CACNA1I: variants seen among roughly 807,000 people sequenced by gnomAD.
CACNA1I encodes voltage-dependent T-type calcium channel subunit alpha-1I.
Under a neutral mutation model 201.6 loss-of-function variants are expected in CACNA1I, and 74 were observed. The observed-to-expected ratio is 0.37, with a 90% CI of 0.30 to 0.45. The LOEUF (loss-of-function observed/expected upper bound fraction) is 0.45. Ranked by LOEUF, CACNA1I falls within the 20% of genes least tolerant of loss-of-function variation. The pLI, the probability that CACNA1I is intolerant of heterozygous loss-of-function variation, is 1.00. For missense variants in CACNA1I, 2,346 were observed against 3,138.1 expected, an observed-to-expected ratio of 0.75 and a Z score of 6.03; for synonymous variants, 1,431 against 1,345.2, an observed-to-expected ratio of 1.06 and a Z score of -1.40.
chr22:39,656,626 T>G (rs1414136093), intron 10 of CACNA1I: 8 of 517,636 alleles, frequency 1.5e-5, no homozygotes, highest in South Asian at 8.4e-5. Context: ...CATTCAAATT[T>G]GTGGTAGCCA....
In CACNA1I at chr22:39,629,271, G is replaced by C. The variant is rs888976819; in HGVS notation, c.581-5294G>C. Among the ~76,000 whole-genome samples, 1 of 152,064 alleles carries C rather than the reference G, an allele frequency of 6.6e-6. No homozygotes were observed. Among genetic ancestry groups the C allele is most frequent in the Non-Finnish European group, 1.5e-5 (1 of 68,008 alleles). Reference sequence around the variant, plus strand: ...TCCAGACCCCAAGATCTGGCAAAGCGACTCCATGGGGATGTACCCCGGCCA... The same window carrying C: ...TCCAGACCCCAAGATCTGGCAAAGCCACTCCATGGGGATGTACCCCGGCCA... On this transcript the variant is annotated intron_variant, in intron 4 of 36. Coordinates refer to ENST00000402142, the MANE Select transcript of CACNA1I (RefSeq NM_021096.4). The surrounding 1 kb of genome is among the most constrained non-coding windows in gnomAD (Gnocchi z 4.8).
chr22:39,682,836 T>A (rs1433920898), intron 35 of CACNA1I, among the ~76,000 whole-genome samples, 175 bp downstream of exon 35: 4 of 152,088 alleles, frequency 2.6e-5, no homozygotes, highest in Non-Finnish European at 5.9e-5. Flanking sequence ...GATATAACAA[T>A]GATAAAAGAT....
At chr22:39,576,132 T>C (rs1871643036) in intron 1 of CACNA1I, among the ~76,000 whole-genome samples, 1 of 152,262 alleles carries the variant, frequency 6.6e-6, no homozygotes, top group Non-Finnish European at 1.5e-5. Flanking sequence ...CCAGAGTGGG[T>C]TGCACTCACT....
chr22:39,663,602 AG>A (rs1935091815), intron 18 of CACNA1I, 115 bp from the exon 19 acceptor site: 12 of 1,211,950 alleles, frequency 9.9e-6, no homozygotes. Flanking sequence ...AGGAGAGGAT[AG>A]GGGTTGCTTC....
chr22:39,680,126 C>T (rs907240681), intron 33 of CACNA1I, among the ~76,000 whole-genome samples: 1 of 152,216 alleles, frequency 6.6e-6, no homozygotes, highest in Non-Finnish European at 1.5e-5. Context: ...AGCTGCCCCA[C>T]CTTGTGTGCT....
chr22:39,634,888 C>G (rs1211144843), intron 5 of CACNA1I, among the ~76,000 whole-genome samples, 164 bp downstream of exon 5: 1 of 151,782 alleles, frequency 6.6e-6, no homozygotes, highest in Admixed American at 6.6e-5. Context: ...AGAAGTGATG[C>G]CCAGGAGGAA....
At chr22:39,632,322 G>C (rs61400759) in intron 4 of CACNA1I, among the ~76,000 whole-genome samples, 352 of 152,230 alleles carry the variant, frequency 2.3e-3, no homozygotes, top group African/African-American at 7.9e-3. Context: ...GCTGATCGAG[G>C]GTTCTGCTTG....
chr22:39,607,575 C>G (rs534805830), intron 3 of CACNA1I, among the ~76,000 whole-genome samples: 2 of 152,186 alleles, frequency 1.3e-5, no homozygotes, highest in African/African-American at 4.8e-5. Context: ...GTCTGGGAAC[C>G]GCAGGAAGGG....
chr22:39,682,145 A>T (rs1327093014), intron 34 of CACNA1I, among the ~76,000 whole-genome samples: 2 of 152,190 alleles, frequency 1.3e-5, no homozygotes, highest in African/African-American at 2.4e-5. Context: ...TGGATGCAGA[A>T]ACAGGCTCAG....
intron 4 of CACNA1I, among the ~76,000 whole-genome samples, chr22:39,627,553 T>C (rs916699430): frequency 1.3e-5 from 2 of 152,338 alleles, no homozygotes; most frequent in Admixed American, 6.5e-5. Flanking sequence ...ACCAGGGTCA[T>C]GGTCAGGCCA....
At chr22:39,605,460 C>A (rs145003629) in intron 3 of CACNA1I, among the ~76,000 whole-genome samples, 1 of 152,200 alleles carries the variant, frequency 6.6e-6, no homozygotes, top group African/African-American at 2.4e-5. Context: ...TGGCTCCCAC[C>A]GGATGGTACC....
chr22:39,578,863 G>A (rs1414384628), intron 1 of CACNA1I, among the ~76,000 whole-genome samples: 1 of 152,132 alleles, frequency 6.6e-6, no homozygotes, highest in African/African-American at 2.4e-5. Context: ...CAGCTGCTGA[G>A]GCTTCCCAGC....
At position 39,659,630 on chromosome 22, in the gene CACNA1I, C is replaced by T; in HGVS notation, c.2449-67C>T. ...TGGGAGGGGCGGGGCTGACAACTCC[C>T]ATGCCTCCTTGTAGAGCCTAGCCCT... is the stretch of plus-strand genomic sequence containing the variant. On this transcript the variant is annotated intron_variant, in intron 13 of 36. Coordinates refer to ENST00000402142, the MANE Select transcript of CACNA1I (RefSeq NM_021096.4). The surrounding 1 kb of genome is among the most constrained non-coding windows in gnomAD (Gnocchi z 4.3). The T allele has an allele frequency of 6.2e-7, 1 of 1,604,448 alleles. No individual in the cohort carries two copies. Among genetic ancestry groups the T allele is most frequent in the South Asian group, 1.1e-5 (1 of 90,856 alleles).
At chr22:39,572,318 C>T (rs974180102) in intron 1 of CACNA1I, among the ~76,000 whole-genome samples, 5 of 151,926 alleles carry the variant, frequency 3.3e-5, no homozygotes, top group African/African-American at 1.2e-4. Flanking sequence ...ATATGTGGCT[C>T]GAGGTTCTGG....
rs1170551284 is a variant in CACNA1I, at chr22:39,583,201, CATCCATCCATCCATCCAACA to C, written c.236+12231_236+12250del. Among the ~76,000 whole-genome samples the C allele has an allele frequency of 4.6e-5, 6 of 130,912 alleles. No individual in the cohort carries two copies. In the East Asian group the frequency reaches 1.0e-3, roughly 23 times the overall value. 85.9% of individuals were successfully genotyped at this position (130,912 alleles called of 152,430 possible). ...CCATCCATCCATCTATCCAACAATC[CATCCATCCATCCATCCAACA>C]ATCCATCCATCCATCCATCCATTCA... On this transcript the variant is annotated intron_variant, in intron 1 of 36. Coordinates refer to ENST00000402142, the MANE Select transcript of CACNA1I (RefSeq NM_021096.4).
At position 39,664,091 on chromosome 22, in the gene CACNA1I, G is replaced by T; in HGVS notation, c.3598G>T (p.Glu1200Ter). The change falls in exon 20 of 37, where the codon GAA becomes TAA. Residue 1200 changes from glutamate (E) to a stop codon, truncating the protein, a stop_gained and splice_region_variant. Coordinates refer to ENST00000402142, the MANE Select transcript of CACNA1I (RefSeq NM_021096.4). LOFTEE classifies it high-confidence loss of function. ...CTATGGTATCTCCCGATGCTTTCAG[G>T]AACGCATCTTTCTCACCGTGTCCAA... is the stretch of plus-strand genomic sequence containing the variant. The part of the protein sequence containing the change: ...ERPQIEAGST[E>*]RIFLTVSNYI... 6.2e-7 allele frequency: 1 copy of T among 1,613,620 alleles called. No individual in the cohort carries two copies. Among genetic ancestry groups the T allele is most frequent in the South Asian group, 1.1e-5 (1 of 91,004 alleles).
At position 39,686,390 on chromosome 22, in the gene CACNA1I, C is replaced by T; in HGVS notation, c.6657C>T (p.Ser2219=). ...AGCTGGAGCCGGGAGACGCCGCCAG[C>T]AAGAGGAAGAGATGAGGGTCGCAGG... The part of the protein sequence containing the change: ...PGELEPGDAA[S]KRKR The change falls in exon 37 of 37, where the codon AGC becomes AGT. Residue 2219 remains serine, a synonymous_variant. Transcript: ENST00000402142. 1.6e-6 allele frequency: 2 copies of T among 1,285,846 alleles called. No individual in the cohort carries two copies. Among genetic ancestry groups the T allele is most frequent in the Non-Finnish European group, 2.0e-6 (2 of 1,014,236 alleles). The allele number at this position is 1,285,846 out of a possible 1,614,324, so 79.7% of individuals were successfully genotyped here.
intron 5 of CACNA1I, among the ~76,000 whole-genome samples, chr22:39,640,112 G>A (rs773390510): frequency 3.9e-5 from 6 of 152,160 alleles, no homozygotes; most frequent in African/African-American, 9.7e-5. Flanking sequence ...AGGGCAGCCC[G>A]GCTCGGTGGC....
At chr22:39,667,497 T>G (rs537370567) in intron 23 of CACNA1I, among the ~76,000 whole-genome samples, 6 of 152,296 alleles carry the variant, frequency 3.9e-5, no homozygotes, top group African/African-American at 1.4e-4. Flanking sequence ...GGACCCTTTG[T>G]GAACCTACTA....
Sources: gnomAD v4.1 joint callset for allele counts (sites outside exome capture counted in the v4.1 genomes callset) on GRCh38, gnomAD v4.1.1 for gene constraint, Gnocchi (gnomAD v3.1) non-coding constraint, MANE v1.5 for transcripts, NCBI Gene and HGNC (gene_info 2026-07-23, HGNC 2026-07-21) for gene names.